Variants in UGT1A8 observed in about 807,000 individuals in gnomAD.
UGT1A8 encodes the protein UDP glucuronosyltransferase family 1 member A8.
In UGT1A8, 39 loss-of-function variants were observed where a neutral mutation model predicts 45.3. The observed-to-expected ratio is 0.86, with a 90% CI of 0.67 to 1.12. UGT1A8 has a LOEUF of 1.12. UGT1A8 is among the 50% of genes most tolerant of loss of function. The pLI, the probability that UGT1A8 is intolerant of heterozygous loss-of-function variation, is 0.00. For synonymous variants in UGT1A8, 275 were observed against 249.2 expected, an observed-to-expected ratio of 1.10 and a Z score of -0.97; for missense variants, 719 against 664.9, an observed-to-expected ratio of 1.08 and a Z score of -0.90.
chr2:233,713,117 CA>C (rs1395487296), intron 1 of UGT1A8: 4 of 1,614,102 alleles, frequency 2.5e-6, no homozygotes, highest in Non-Finnish European at 3.4e-6. Context: ...GCCACTGGCT[CA>C]GCATGCGGGA....
intron 1 of UGT1A8, chr2:233,760,227 T>G: frequency 6.3e-7 from 1 of 1,581,154 alleles, no homozygotes; most frequent in Non-Finnish European, 8.5e-7. Flanking sequence ...ATCGATTGGT[T>G]TTTGCCATAT....
At chr2:233,709,327 T>A (rs2076071799) in intron 1 of UGT1A8, among the ~76,000 whole-genome samples, 1 of 152,218 alleles carries the variant, frequency 6.6e-6, no homozygotes, top group African/African-American at 2.4e-5. Flanking sequence ...TTTTTGTTAC[T>A]AGTTTGTCAT....
At chr2:233,733,439 G>T (rs1332999216) in intron 1 of UGT1A8, among the ~76,000 whole-genome samples, 5 of 152,168 alleles carry the variant, frequency 3.3e-5, no homozygotes, top group Non-Finnish European at 7.3e-5. Context: ...GATATTGGCT[G>T]CGGGTTTGTC....
intron 1 of UGT1A8, chr2:233,729,254 G>C (rs1181621220): frequency 1.2e-6 from 2 of 1,614,100 alleles, no homozygotes; most frequent in Admixed American, 1.7e-5. Context: ...CACTGGCTCA[G>C]CATGCGGGAG....
chr2:233,753,719 T>C (rs1290190977), intron 1 of UGT1A8: 1 of 152,208 alleles, frequency 6.6e-6, no homozygotes, highest in Non-Finnish European at 1.5e-5. Flanking sequence ...TCAACCTAAT[T>C]TGATATGCCC....
chr2:233,756,725 G>A (rs1363632350), intron 1 of UGT1A8, among the ~76,000 whole-genome samples: 1 of 152,038 alleles, frequency 6.6e-6, no homozygotes, highest in Non-Finnish European at 1.5e-5. Flanking sequence ...TGAGATCTGA[G>A]TTCTCTTCAC....
At chr2:233,640,572 A>G (rs1417015931) in intron 1 of UGT1A8, among the ~76,000 whole-genome samples, 1 of 152,162 alleles carries the variant, frequency 6.6e-6, no homozygotes, top group Non-Finnish European at 1.5e-5. Flanking sequence ...AAACCCATAC[A>G]TCCTTGGTCA....
chr2:233,689,859 A>G (rs548633019), intron 1 of UGT1A8: 5 of 456,176 alleles, frequency 1.1e-5, no homozygotes, highest in South Asian at 6.2e-5. Flanking sequence ...TTAGGCTACT[A>G]TTACCTTCTT....
rs546183589 is a variant in UGT1A8, at chr2:233,683,052, C to CA, written c.855+64497dup. On this transcript the variant is annotated intron_variant, in intron 1 of 4. Transcript: ENST00000373450. The stretch of plus-strand genomic sequence containing the variant: ...TCTAAATGCTATTTTTGGAAAAATA[C>CA]AAAAAAACCACAGTAAGAAATGAAA... Among the ~76,000 whole-genome samples the CA allele has an allele frequency of 7.1e-4, 108 of 151,792 alleles. 1 individual carries two copies. The highest frequency in any genetic ancestry group is 2.3e-3 in the African/African-American group (97 of 41,428).
At chr2:233,740,325 T>C (rs1691364696) in intron 1 of UGT1A8, among the ~76,000 whole-genome samples, 1 of 151,932 alleles carries the variant, frequency 6.6e-6, no homozygotes, top group Non-Finnish European at 1.5e-5. Context: ...AATCTGCATT[T>C]ATTGAGAAAG....
chr2:233,707,958 C>T (rs1010102150), intron 1 of UGT1A8, among the ~76,000 whole-genome samples: 9 of 152,110 alleles, frequency 5.9e-5, no homozygotes, highest in Admixed American at 2.6e-4. Flanking sequence ...CCTCTTTTGC[C>T]CATTCAAGTC....
At chr2:233,626,944 AG>A (rs2073095008) in intron 1 of UGT1A8, among the ~76,000 whole-genome samples, 1 of 152,090 alleles carries the variant, frequency 6.6e-6, no homozygotes, top group African/African-American at 2.4e-5. Flanking sequence ...ATCCAGAAAA[AG>A]TGTTCTTGTT....
chr2:233,758,377 G>A (rs1376342494), intron 1 of UGT1A8, among the ~76,000 whole-genome samples: 2 of 152,208 alleles, frequency 1.3e-5, no homozygotes, highest in Non-Finnish European at 2.9e-5. Flanking sequence ...CATTACAGTG[G>A]TGACTTATGT....
intron 1 of UGT1A8, among the ~76,000 whole-genome samples, chr2:233,656,773 C>T (rs1237157003): frequency 6.6e-6 from 1 of 152,104 alleles, no homozygotes; most frequent in African/African-American, 2.4e-5. Flanking sequence ...TCTTTGGGGT[C>T]CCGCTGGCCA....
intron 1 of UGT1A8, chr2:233,741,006 G>T (rs1691538713): frequency 6.6e-6 from 1 of 151,750 alleles, no homozygotes; most frequent in Admixed American, 6.6e-5. Context: ...AGGATCACTT[G>T]AGCCCAGGAA....
chr2:233,717,187 C>T (rs922401746), intron 1 of UGT1A8, among the ~76,000 whole-genome samples: 12 of 152,214 alleles, frequency 7.9e-5, no homozygotes, highest in Admixed American at 2.6e-4. Flanking sequence ...AGCACCCTCC[C>T]AGGCATGTTC....
chr2:233,754,785 C>T, intron 1 of UGT1A8: 1 of 1,177,776 alleles, frequency 8.5e-7, no homozygotes, highest in Non-Finnish European at 1.2e-6. Context: ...GCCAAAGGAA[C>T]GAAATCCTGT....
rs762309245 is a variant in UGT1A8 at position 233,767,917 on chromosome 2, A to G, written c.1056A>G (p.Leu352=). The stretch of plus-strand genomic sequence containing the variant: ...ACAACACGATACTTGTTAAGTGGCT[A>G]CCCCAAAACGATCTGCTTGGTATGT... ...LANNTILVKW[L]PQNDLLGHPM... The change falls in exon 3 of 5, where the codon CTA becomes CTG. Residue 352 remains leucine, a synonymous_variant. Coordinates refer to ENST00000373450, the MANE Select transcript of UGT1A8 (RefSeq NM_019076.5). 2 of 1,614,072 alleles carry G rather than the reference A, an allele frequency of 1.2e-6. No homozygotes were observed. The highest frequency in any genetic ancestry group is 2.2e-5 in the East Asian group (1 of 44,896).
chr2:233,712,705 T>C (rs991902225), intron 1 of UGT1A8, among the ~76,000 whole-genome samples: 6 of 152,022 alleles, frequency 3.9e-5, no homozygotes, highest in South Asian at 2.1e-4. Context: ...CAGCCTTGTG[T>C]TGGGAATTGA....
Sources: allele counts gnomAD v4.1 joint callset (sites outside exome capture counted in the v4.1 genomes callset), GRCh38; gene constraint gnomAD v4.1.1; transcripts MANE v1.5; gene names NCBI Gene and HGNC (gene_info 2026-07-23, HGNC 2026-07-21).